The following HMGCLL1 variants were observed in gnomAD, a reference collection of about 807,000 sequenced individuals.
HMGCLL1 encodes the protein 3-hydroxy-3-methylglutaryl-CoA lyase like 1.
A neutral mutation model predicts 39.1 loss-of-function variants in HMGCLL1; 36 were observed. The ratio of observed to expected loss-of-function variants is 0.92; its 90% CI spans 0.71 to 1.22. The LOEUF (loss-of-function observed/expected upper bound fraction) is 1.22. Ranked by LOEUF, HMGCLL1 falls within the 50% of genes most tolerant of loss-of-function variation. The pLI is 0.00. For missense variants in HMGCLL1, 451 were observed against 416.5 expected (o/e 1.08, Z -0.72); for synonymous variants, 149 against 144.0 (o/e 1.03, Z -0.25).
At chr6:55,526,517 A>G (rs1270559125) in intron 3 of HMGCLL1, among the ~76,000 whole-genome samples, 2 of 152,060 alleles carry the variant, frequency 1.3e-5, no homozygotes, top group South Asian at 4.1e-4. Context: ...ATAAGATTTA[A>G]TAAATGATTG....
the HMGCLL1 span, among the ~76,000 whole-genome samples, chr6:55,641,878 TTTTA>T: frequency 0.76 from 98,657 of 129,422 alleles, 37,936 homozygotes; most frequent in Non-Finnish European, 0.84. Flanking sequence ...TTTTTTTTAT[TTTTA>T]TTTATTTATT....
the HMGCLL1 span, among the ~76,000 whole-genome samples, chr6:55,641,556 T>C: frequency 1.7e-4 from 26 of 151,970 alleles, no homozygotes; most frequent in Non-Finnish European, 3.2e-4. Flanking sequence ...AAGGATATAC[T>C]CTGTAGTTAC....
intron 3 of HMGCLL1, among the ~76,000 whole-genome samples, chr6:55,519,968 T>G (rs1767951882): frequency 6.6e-6 from 1 of 151,816 alleles, no homozygotes; most frequent in South Asian, 2.1e-4. Context: ...AAACAATAAT[T>G]TTTTTAAATA....
intron 5 of HMGCLL1, among the ~76,000 whole-genome samples, chr6:55,507,847 A>C (rs1767248731): frequency 6.6e-6 from 1 of 151,894 alleles, no homozygotes; most frequent in African/African-American, 2.4e-5. Context: ...AATTAAAAAA[A>C]GCATCAATGT....
the HMGCLL1 span, among the ~76,000 whole-genome samples, chr6:55,625,091 G>A: frequency 6.6e-6 from 1 of 152,100 alleles, no homozygotes; most frequent in East Asian, 1.9e-4. Flanking sequence ...TAGGTGAATC[G>A]CCGTGGAGGC....
At chr6:55,665,868 C>T in the HMGCLL1 span, among the ~76,000 whole-genome samples, 1 of 151,592 alleles carries the variant, frequency 6.6e-6, no homozygotes, top group Non-Finnish European at 1.5e-5. Flanking sequence ...TTTCTGAACT[C>T]TAAGTTATGT....
intron 7 of HMGCLL1, among the ~76,000 whole-genome samples, chr6:55,475,909 GA>G (rs1410033141): frequency 1.3e-5 from 2 of 151,526 alleles, no homozygotes; most frequent in African/African-American, 4.8e-5. Flanking sequence ...GTATATGTCT[GA>G]ATTTCTTTCT....
chr6:55,631,755 T>A, the HMGCLL1 span, among the ~76,000 whole-genome samples: 1 of 152,168 alleles, frequency 6.6e-6, no homozygotes, highest in Non-Finnish European at 1.5e-5. Flanking sequence ...AATTGATATA[T>A]GTATTCTAAA....
Position 55,480,274 on chromosome 6 carries a change from A to G in HMGCLL1, c.795+15145T>C, listed in dbSNP as rs535879269. 1.7e-4 allele frequency among the ~76,000 whole-genome samples: 26 copies of G among 151,786 alleles called. 1 individual carries two copies. Among genetic ancestry groups the G allele is most frequent in the African/African-American group, 6.3e-4 (26 of 41,124 alleles). ...ATATACAAGGAGCTCAAATAACTCT[A>G]TAGGAAAAATCTAATAATCCGACCA... On this transcript the variant is annotated intron_variant, in intron 7 of 8. Transcript: ENST00000274901.
rs1763337756 is a variant in HMGCLL1 at position 55,435,640 on chromosome 6, G to A, written c.*22C>T. Reference sequence around the variant, plus strand: ...GTAGCTGAAATTGATCTTCTCAACGGTACGTCATAAATCCATTCAAGTCAA... The same window carrying A: ...GTAGCTGAAATTGATCTTCTCAACGATACGTCATAAATCCATTCAAGTCAA... On this transcript the variant is annotated 3_prime_UTR_variant, in exon 9 of 9. Coordinates refer to ENST00000274901, the MANE Select transcript of HMGCLL1 (RefSeq NM_001042406.2). The A allele has an allele frequency of 4.4e-6, 6 of 1,367,078 alleles. No individual in the cohort carries two copies. Among genetic ancestry groups the A allele is most frequent in the Non-Finnish European group, 6.2e-6 (6 of 973,990 alleles). 84.7% of individuals were successfully genotyped at this position (1,367,078 alleles called of 1,614,324 possible).
intron 7 of HMGCLL1, among the ~76,000 whole-genome samples, chr6:55,485,235 C>A (rs1449380535): frequency 6.6e-6 from 1 of 152,084 alleles, no homozygotes; most frequent in Non-Finnish European, 1.5e-5. Context: ...TATCTTACTG[C>A]ACTTTCTCTA....
At chr6:55,641,460 A>G in the HMGCLL1 span, among the ~76,000 whole-genome samples, 7,170 of 152,080 alleles carry the variant, frequency 0.047, 228 homozygotes, top group Non-Finnish European at 0.076. Flanking sequence ...AAAATGTTAT[A>G]TACGTGTGTG....
chr6:55,642,819 G>C, the HMGCLL1 span, among the ~76,000 whole-genome samples: 2 of 151,906 alleles, frequency 1.3e-5, no homozygotes, highest in South Asian at 2.1e-4. Context: ...AGGCCTCACT[G>C]TCTATTGTTC....
chr6:55,493,739 GTTTTTTT>G (rs10708618), intron 7 of HMGCLL1, among the ~76,000 whole-genome samples: 3 of 148,872 alleles, frequency 2.0e-5, no homozygotes, highest in East Asian at 4.0e-4. Flanking sequence ...TTTTGTTTTT[GTTTTTTT>G]TTTTGAGAAG....
At chr6:55,639,908 C>T in the HMGCLL1 span, among the ~76,000 whole-genome samples, 1 of 151,634 alleles carries the variant, frequency 6.6e-6, no homozygotes, top group African/African-American at 2.4e-5. Flanking sequence ...GTGAAACCCC[C>T]TCTCTACTAG....
upstream of HMGCLL1, among the ~76,000 whole-genome samples, chr6:55,580,453 T>C (rs1771960456): frequency 7.6e-6 from 1 of 132,094 alleles, no homozygotes; most frequent in Admixed American, 8.6e-5. Flanking sequence ...TCTCGCTCTG[T>C]CGCCCAGGCT....
At chr6:55,580,384 ATTTTTTTTTTCTTTTTTCTTTCTTTT>A, upstream of HMGCLL1, among the ~76,000 whole-genome samples, 1 of 90,962 alleles carries the variant, frequency 1.1e-5, no homozygotes, top group Non-Finnish European at 2.4e-5. Context: ...TTAACCAAGG[ATTTTTTTTTTCTTTTTTCTTTCTTTT>A]TTTTTTTTTT....
At chr6:55,485,010 C>A (rs991733144) in intron 7 of HMGCLL1, among the ~76,000 whole-genome samples, 1 of 152,152 alleles carries the variant, frequency 6.6e-6, no homozygotes, top group African/African-American at 2.4e-5. Flanking sequence ...TCTCCAGCCA[C>A]ACTGGCCACA....
At chr6:55,586,549 C>T in the HMGCLL1 span, among the ~76,000 whole-genome samples, 1 of 151,550 alleles carries the variant, frequency 6.6e-6, no homozygotes. Context: ...CCCTCCTCCC[C>T]CCACCCTACA....
Sources: gnomAD v4.1 joint callset for allele counts (sites outside exome capture counted in the v4.1 genomes callset) on GRCh38, gnomAD v4.1.1 for gene constraint, MANE v1.5 for transcripts, NCBI Gene and HGNC (gene_info 2026-07-23, HGNC 2026-07-21) for gene names.